Variants in SLC26A5 observed in about 807,000 individuals in gnomAD.
SLC26A5 encodes the protein solute carrier family 26 member 5, also known as prestin.
SLC26A5 carries 51 observed loss-of-function variants against 81.0 expected under a neutral mutation model. The observed-to-expected ratio is 0.63, with a 90% CI of 0.50 to 0.80. The LOEUF (loss-of-function observed/expected upper bound fraction) is 0.80, where lower values mean the gene tolerates loss of function less well. Among genes scored for constraint, SLC26A5 ranks in the 30% least tolerant of loss-of-function variants. SLC26A5 has a pLI of 0.00. For missense variants in SLC26A5, 771 were observed against 905.8 expected, an observed-to-expected ratio of 0.85 and a Z score of 1.91; for synonymous variants, 325 against 332.8, an observed-to-expected ratio of 0.98 and a Z score of 0.25.
In SLC26A5 at chr7:103,392,773, T is replaced by C. The variant is rs1460535244; in HGVS notation, c.1119+146A>G. 6.2e-6 allele frequency: 6 copies of C among 975,450 alleles called. No individual in the cohort carries two copies. In the East Asian group the frequency reaches 1.6e-4, roughly 26 times the overall value. 60.4% of individuals were successfully genotyped at this position (975,450 alleles called of 1,614,324 possible). On this transcript the variant is annotated intron_variant, in intron 10 of 19. Transcript: ENST00000306312. ...TTTGTATTTTCAGTAGAGATGGGGT[T>C]TCACCATGTTAGCCAGGATGGTCTC...
At chr7:103,352,985 C>G in intron 19 of SLC26A5, 1 of 779,914 alleles carries the variant, frequency 1.3e-6, no homozygotes, top group Admixed American at 1.7e-5. Flanking sequence ...TTTTACCACT[C>G]TGTCTATTTG....
chr7:103,397,043 C>T (rs1008553545), intron 9 of SLC26A5, among the ~76,000 whole-genome samples: 2 of 150,232 alleles, frequency 1.3e-5, no homozygotes, highest in Admixed American at 6.7e-5. Flanking sequence ...TGCAGTGAGC[C>T]GAGATTGTGC....
rs35936603 is a variant in SLC26A5 at position 103,359,138 on chromosome 7, C to CTTTTTTTTT, written c.2042-6221_2042-6213dup. On this transcript the variant is annotated intron_variant, in intron 19 of 19. Coordinates refer to the SLC26A5 transcript ENST00000339444. Reference sequence around the variant, plus strand: ...CAGGTGCATACCACCCCATGTCTGGCTTTTTTTTTTTTTTTTTTTTTTTTT... The same window carrying CTTTTTTTTT: ...CAGGTGCATACCACCCCATGTCTGGCTTTTTTTTTTTTTTTTTTTTTTTTTTTTTTTTTT... Among the ~76,000 whole-genome samples, 51 of 31,334 alleles carry CTTTTTTTTT rather than the reference C, an allele frequency of 1.6e-3. 2 individuals are homozygous for CTTTTTTTTT. Among genetic ancestry groups the CTTTTTTTTT allele is most frequent in the East Asian group, 4.5e-3 (3 of 660 alleles). 20.6% of individuals were successfully genotyped at this position (31,334 alleles called of 152,430 possible).
At chr7:103,372,600 G>A (rs967073148), downstream of SLC26A5, among the ~76,000 whole-genome samples, 11 of 152,284 alleles carry the variant, frequency 7.2e-5, no homozygotes, top group South Asian at 1.0e-3. Context: ...AGTAAGATGA[G>A]CATTATGCTT....
At chr7:103,371,695 A>AT (rs72068482), downstream of SLC26A5, among the ~76,000 whole-genome samples, 8,148 of 127,064 alleles carry the variant, frequency 0.064, 379 homozygotes, top group East Asian at 0.24. Context: ...ATGTGCAATA[A>AT]TTTTTTTTTT....
chr7:103,431,133 T>C (rs977195306), intron 2 of SLC26A5, among the ~76,000 whole-genome samples: 1 of 152,208 alleles, frequency 6.6e-6, no homozygotes, highest in African/African-American at 2.4e-5. Context: ...GATACTTCAA[T>C]AGAAAAGAGT....
At chr7:103,384,916 C>T (rs569145111) in intron 14 of SLC26A5, among the ~76,000 whole-genome samples, 24 of 152,216 alleles carry the variant, frequency 1.6e-4, no homozygotes, top group African/African-American at 5.1e-4. Context: ...CTTAGGACAA[C>T]GCAACCTTTG....
At chr7:103,393,355 T>C (rs184081610) in intron 9 of SLC26A5, among the ~76,000 whole-genome samples, 1 of 152,232 alleles carries the variant, frequency 6.6e-6, no homozygotes, top group Non-Finnish European at 1.5e-5. Context: ...GGCACCCTGA[T>C]GGCAAGTGTA....
At chr7:103,418,611 AT>A (rs1825103875) in intron 4 of SLC26A5, among the ~76,000 whole-genome samples, 2 of 152,176 alleles carry the variant, frequency 1.3e-5, no homozygotes, top group Admixed American at 1.3e-4. Context: ...TGTATAATAG[AT>A]TTAATAAATA....
At chr7:103,382,693 T>G (rs1172481123) in intron 14 of SLC26A5, among the ~76,000 whole-genome samples, 1 of 152,152 alleles carries the variant, frequency 6.6e-6, no homozygotes, top group African/African-American at 2.4e-5. Context: ...CTGGCTCAAA[T>G]TAGATACTGT....
At chr7:103,374,922 T>C (rs938077005) in intron 19 of SLC26A5, among the ~76,000 whole-genome samples, 1 of 150,438 alleles carries the variant, frequency 6.6e-6, no homozygotes, top group Non-Finnish European at 1.5e-5. Context: ...GATTTCTCTA[T>C]GTAAATATAA....
chr7:103,395,341 G>A (rs953867188), intron 9 of SLC26A5, among the ~76,000 whole-genome samples: 3 of 103,534 alleles, frequency 2.9e-5, no homozygotes, highest in Non-Finnish European at 6.1e-5. Flanking sequence ...GAAACGTAAG[G>A]TCTTTTTTTT....
chr7:103,352,821 A>G (rs1819795919), exon 20 of SLC26A5: 1 of 780,520 alleles, frequency 1.3e-6, no homozygotes, highest in Admixed American at 1.7e-5. Context: ...AACAGATTCC[A>G]GAGCTGGCAT....
Position 103,421,578 on chromosome 7 carries a change from AAAG to A in SLC26A5, c.-53-14_-53-12del. 6.4e-7 allele frequency: 1 copy of A among 1,556,628 alleles called. No homozygotes were observed. The highest frequency in any genetic ancestry group is 2.2e-5 in the East Asian group (1 of 44,568). On this transcript the variant is annotated splice_polypyrimidine_tract_variant and intron_variant, in intron 2 of 19. Coordinates refer to ENST00000306312, the MANE Select transcript of SLC26A5 (RefSeq NM_198999.3). ...ATTTCCTGAGTGTCACTAGGGGAAA[AAAG>A]AAAAACTCCATTTTACTTGCCAAAA...
intron 15 of SLC26A5, 149 bp from the exon 16 acceptor site, chr7:103,379,484 A>ACC: frequency 7.1e-6 from 1 of 140,976 alleles, no homozygotes; most frequent in Non-Finnish European, 1.5e-5. Context: ...CACACAGACC[A>ACC]AAAAAAAAAA....
intron 4 of SLC26A5, among the ~76,000 whole-genome samples, chr7:103,414,407 G>A (rs1348513490): frequency 6.6e-6 from 1 of 151,860 alleles, no homozygotes; most frequent in Non-Finnish European, 1.5e-5. Context: ...GAACTCCTAG[G>A]CTCAGGCGAT....
At chr7:103,432,905 T>G (rs931492924) in intron 2 of SLC26A5, among the ~76,000 whole-genome samples, 5 of 152,176 alleles carry the variant, frequency 3.3e-5, no homozygotes, top group Non-Finnish European at 7.3e-5. Context: ...TGGTGTTTGT[T>G]TAATATGGTT....
At chr7:103,362,621 C>T in intron 19 of SLC26A5, 1 of 1,501,686 alleles carries the variant, frequency 6.7e-7, no homozygotes. Flanking sequence ...GGATAAAGGA[C>T]TAAACATAAA....
At chr7:103,433,894 G>T (rs769740209) in intron 2 of SLC26A5, among the ~76,000 whole-genome samples, 3 of 151,834 alleles carry the variant, frequency 2.0e-5, no homozygotes, top group Non-Finnish European at 4.4e-5. Flanking sequence ...GTAGAGACAG[G>T]GTTTCACCGT....
Sources: gnomAD v4.1 joint callset for allele counts (sites outside exome capture counted in the v4.1 genomes callset) on GRCh38, gnomAD v4.1.1 for gene constraint, MANE v1.5 for transcripts, NCBI Gene and HGNC (gene_info 2026-07-23, HGNC 2026-07-21) for gene names.